The following SPATA7 variants were observed in gnomAD, a reference collection of about 807,000 sequenced individuals.
SPATA7 encodes the protein spermatogenesis-associated protein 7.
Under a neutral mutation model 51.8 loss-of-function variants are expected in SPATA7, and 43 were observed. The observed-to-expected ratio is 0.83, with a 90% CI of 0.65 to 1.07. SPATA7 has a LOEUF of 1.07. SPATA7 is among the 50% of genes least tolerant of loss of function. SPATA7 has a pLI of 0.00. For synonymous variants in SPATA7, 230 were observed against 252.8 expected (o/e 0.91, Z 0.86); for missense variants, 683 against 701.3 (o/e 0.97, Z 0.30).
At chr14:88,406,668 A>T (rs2076208270) in intron 4 of SPATA7, 1 of 152,402 alleles carries the variant, frequency 6.6e-6, no homozygotes, top group South Asian at 2.1e-4. Context: ...CAGAACATGC[A>T]GGTTTGTTAC....
chr14:88,467,618 A>G (rs2077384987), intron 4 of SPATA7: 2 of 151,750 alleles, frequency 1.3e-5, no homozygotes, highest in Non-Finnish European at 2.9e-5. Context: ...CAAGGTTTTT[A>G]AAAAATAACA....
intron 3 of SPATA7, among the ~76,000 whole-genome samples, chr14:88,451,572 G>A: frequency 6.6e-6 from 1 of 151,060 alleles, no homozygotes; most frequent in South Asian, 2.1e-4. Flanking sequence ...TGTCACCCAG[G>A]CTGGAGTGCA....
chr14:88,446,321 G>A (rs1340577262), intron 3 of SPATA7, among the ~76,000 whole-genome samples: 1 of 152,104 alleles, frequency 6.6e-6, no homozygotes, highest in African/African-American at 2.4e-5. Flanking sequence ...TGTGGGATCG[G>A]TGGTGATATC....
At chr14:88,399,134 G>A (rs2075986788) in intron 4 of SPATA7, among the ~76,000 whole-genome samples, 1 of 151,928 alleles carries the variant, frequency 6.6e-6, no homozygotes, top group African/African-American at 2.4e-5. Flanking sequence ...AGCATACATA[G>A]GGAAATGCCT....
intron 3 of SPATA7, among the ~76,000 whole-genome samples, chr14:88,445,571 A>G (rs1053007618): frequency 3.2e-4 from 48 of 151,062 alleles, no homozygotes; most frequent in East Asian, 2.7e-3. Context: ...GCCAGTTTTC[A>G]AAGGGAATGC....
At chr14:88,451,579 T>A (rs2077251735) in intron 3 of SPATA7, among the ~76,000 whole-genome samples, 1 of 151,380 alleles carries the variant, frequency 6.6e-6, no homozygotes, top group Non-Finnish European at 1.5e-5. Context: ...CAGGCTGGAG[T>A]GCAGTGCCAC....
chr14:88,396,669 G>A (rs1250191568), intron 4 of SPATA7, among the ~76,000 whole-genome samples: 7 of 151,960 alleles, frequency 4.6e-5, no homozygotes, highest in Non-Finnish European at 8.8e-5. Context: ...TTATGCATTC[G>A]TCAGTTGATG....
chr14:88,420,040 G>T (rs545005310), intron 5 of SPATA7, among the ~76,000 whole-genome samples: 1 of 152,102 alleles, frequency 6.6e-6, no homozygotes, highest in Non-Finnish European at 1.5e-5. Flanking sequence ...CAAAAGTGAA[G>T]GGATATTTTC....
At chr14:88,392,266 C>A (rs1328915795) in intron 2 of SPATA7, among the ~76,000 whole-genome samples, 1 of 151,882 alleles carries the variant, frequency 6.6e-6, no homozygotes, top group Non-Finnish European at 1.5e-5. Flanking sequence ...GGATAAAGAA[C>A]AATATGTAAA....
intron 4 of SPATA7, chr14:88,414,582 C>T (rs1268397275): frequency 1.0e-5 from 3 of 290,432 alleles, no homozygotes; most frequent in Admixed American, 5.0e-5. Context: ...TAATTATTTT[C>T]TACTACTAGC....
At chr14:88,393,960 A>G (rs1439762362) in intron 3 of SPATA7, among the ~76,000 whole-genome samples, 4 of 152,156 alleles carry the variant, frequency 2.6e-5, no homozygotes, top group African/African-American at 9.7e-5. Flanking sequence ...CCATGCTGTA[A>G]AACAGGAATC....
rs140956264 is a variant in SPATA7, at chr14:88,426,399, G to A, written c.540G>A (p.Pro180=). Residue 180 remains proline, a synonymous_variant, in exon 6 of 12, where the codon CCG becomes CCA. Transcript: ENST00000393545. Reference sequence around the variant, plus strand: ...CTGAGAAGAACTCCAGTTCCTCCCCGTCCAGTGTGGATTATGCAGCCTCCG... The same window carrying A: ...CTGAGAAGAACTCCAGTTCCTCCCCATCCAGTGTGGATTATGCAGCCTCCG... The part of the protein sequence containing the change: ...NGPEKNSSSS[P]SSVDYAASGP... The A allele has an allele frequency of 2.0e-5, 33 of 1,614,104 alleles. No homozygotes were observed. Among genetic ancestry groups the A allele is most frequent in the Admixed American group, 8.3e-5 (5 of 60,010 alleles).
intron 2 of SPATA7, 31 bp downstream of exon 2, chr14:88,391,486 T>C: frequency 1.3e-6 from 2 of 1,585,190 alleles, no homozygotes; most frequent in Non-Finnish European, 1.7e-6. Context: ...GGCAGCTTTG[T>C]TAGAAGATTG....
At chr14:88,446,276 T>C (rs567025415) in intron 3 of SPATA7, among the ~76,000 whole-genome samples, 2,066 of 152,170 alleles carry the variant, frequency 0.014, 43 homozygotes, top group African/African-American at 0.047. Context: ...TGCATAGAGG[T>C]GTTTGTAGTA....
In SPATA7 at chr14:88,417,022, C is replaced by T. The variant is rs568613384; in HGVS notation, c.372+178C>T. 9.9e-5 allele frequency among the ~76,000 whole-genome samples: 15 copies of T among 152,220 alleles called. No homozygotes were observed. In the South Asian group the frequency reaches 1.0e-3, roughly 11 times the overall value. On this transcript the variant is annotated intron_variant, in intron 5 of 11. Transcript: ENST00000393545. Reference sequence around the variant, plus strand: ...TCACAACTACTCTGCCATTGGAAGGCAGACATAGACAGTACATAAATAAAT... The same window carrying T: ...TCACAACTACTCTGCCATTGGAAGGTAGACATAGACAGTACATAAATAAAT...
At chr14:88,444,254 A>G (rs2077197053) in intron 3 of SPATA7, among the ~76,000 whole-genome samples, 1 of 152,072 alleles carries the variant, frequency 6.6e-6, no homozygotes, top group South Asian at 2.1e-4. Flanking sequence ...GCAGTTTTTC[A>G]TGTGTTTTTT....
rs116744885 is a variant in SPATA7, at chr14:88,396,731, A to G, written c.238+528A>G. 2.1e-3 allele frequency among the ~76,000 whole-genome samples: 323 copies of G among 152,316 alleles called. 4 individuals carry two copies. The highest frequency in any genetic ancestry group is 7.3e-3 in the African/African-American group (305 of 41,576). On this transcript the variant is annotated intron_variant, in intron 4 of 11. Transcript: ENST00000393545. ...GCTGTTGTGAATAAACTATACTGCT[A>G]TGGACATGAGTATACAAATACCTCT...
intron 4 of SPATA7, among the ~76,000 whole-genome samples, chr14:88,415,672 C>A (rs756135389): frequency 6.6e-6 from 1 of 152,072 alleles, no homozygotes; most frequent in South Asian, 2.1e-4. Flanking sequence ...GTCTTGATTG[C>A]GTATTTGCTT....
intron 4 of SPATA7, among the ~76,000 whole-genome samples, chr14:88,411,527 G>A (rs143456317): frequency 1.1e-4 from 17 of 152,226 alleles, no homozygotes; most frequent in Non-Finnish European, 2.2e-4. Context: ...CTCCTGGTCC[G>A]TGGGTTGCAA....
Sources: gnomAD v4.1 joint callset for allele counts (sites outside exome capture counted in the v4.1 genomes callset) on GRCh38, gnomAD v4.1.1 for gene constraint, MANE v1.5 for transcripts, NCBI Gene and HGNC (gene_info 2026-07-23, HGNC 2026-07-21) for gene names.